The following EVA1C variants were observed in gnomAD, a reference collection of about 807,000 sequenced individuals.
EVA1C encodes eva-1 homolog C.
A neutral mutation model predicts 45.4 loss-of-function variants in EVA1C; 25 were observed. The ratio of observed to expected loss-of-function variants is 0.55; its 90% CI spans 0.40 to 0.77. The LOEUF is 0.77. EVA1C is among the 30% of genes least tolerant of loss of function. EVA1C has a pLI of 0.00. For synonymous variants in EVA1C, 190 were observed against 221.2 expected (o/e 0.86, Z 1.25); for missense variants, 479 against 554.8 (o/e 0.86, Z 1.37).
chr21:32,498,019 T>C (rs2037407328), intron 5 of EVA1C, among the ~76,000 whole-genome samples: 2 of 152,168 alleles, frequency 1.3e-5, no homozygotes, highest in South Asian at 4.1e-4. Flanking sequence ...ACATCACTAA[T>C]GCTGAGATGA....
intron 1 of EVA1C, among the ~76,000 whole-genome samples, chr21:32,426,675 G>A (rs925715147): frequency 4.6e-5 from 7 of 152,134 alleles, no homozygotes; most frequent in African/African-American, 1.2e-4. Flanking sequence ...AGCCCACATC[G>A]AGAAGGAGGA....
intron 4 of EVA1C, among the ~76,000 whole-genome samples, chr21:32,479,391 C>T (rs987910869): frequency 1.3e-5 from 2 of 152,206 alleles, no homozygotes; most frequent in African/African-American, 4.8e-5. Context: ...CCACTGCACT[C>T]CAGCCTGGGC....
intron 2 of EVA1C, among the ~76,000 whole-genome samples, chr21:32,456,459 A>T (rs1281319059): frequency 6.6e-6 from 1 of 152,168 alleles, no homozygotes; most frequent in Non-Finnish European, 1.5e-5. Flanking sequence ...TGGCCATGCC[A>T]CATGCAGTCA....
chr21:32,449,288 A>T (rs2035488464), intron 1 of EVA1C, among the ~76,000 whole-genome samples: 1 of 152,240 alleles, frequency 6.6e-6, no homozygotes, highest in Admixed American at 6.5e-5. Flanking sequence ...GTTTGGACGT[A>T]TGGACAATGA....
In EVA1C at chr21:32,440,700, G is replaced by A. The variant is rs1472938152; in HGVS notation, c.161-12612G>A. ...TCACACAGAGAAATCTATAAGCCCT[G>A]GGTTATGTTGGTTGCTGATGAGGAT... On this transcript the variant is annotated intron_variant, in intron 1 of 7. Transcript: ENST00000300255. Among the ~76,000 whole-genome samples the A allele has an allele frequency of 2.0e-5, 3 of 152,132 alleles. No homozygotes were observed. The East Asian group carries it at 5.8e-4, about 29-fold the overall frequency.
At chr21:32,502,244 G>A (rs1601048656) in intron 6 of EVA1C, among the ~76,000 whole-genome samples, 2 of 151,738 alleles carry the variant, frequency 1.3e-5, no homozygotes, top group African/African-American at 4.8e-5. Context: ...GATTACAGGC[G>A]TCCACCACCA....
chr21:32,445,712 T>C (rs1465950389), intron 1 of EVA1C, among the ~76,000 whole-genome samples: 1 of 152,220 alleles, frequency 6.6e-6, no homozygotes, highest in East Asian at 1.9e-4. Flanking sequence ...TAGGGGTTCA[T>C]GTCGTGAACT....
chr21:32,422,868 C>T (rs978498313), intron 1 of EVA1C, among the ~76,000 whole-genome samples: 4 of 126,930 alleles, frequency 3.2e-5, no homozygotes, highest in African/African-American at 9.2e-5. Flanking sequence ...GTCAGGAGTT[C>T]GGGACCAGCC....
intron 4 of EVA1C, among the ~76,000 whole-genome samples, chr21:32,480,561 G>A (rs1342863140): frequency 2.6e-5 from 4 of 151,978 alleles, no homozygotes; most frequent in East Asian, 1.9e-4. Context: ...CCAGCTACTC[G>A]GGAGGCTAAC....
upstream of EVA1C, chr21:32,412,100 G>C (rs866444627): frequency 6.6e-6 from 1 of 152,292 alleles, no homozygotes. Flanking sequence ...CCATCTGACC[G>C]GTTTTGAGAC....
chr21:32,497,353 C>T, intron 5 of EVA1C: 1 of 455,802 alleles, frequency 2.2e-6, no homozygotes, highest in East Asian at 5.2e-5. Context: ...GCCAAGAAAC[C>T]ATGGGTTTCC....
intron 1 of EVA1C, among the ~76,000 whole-genome samples, chr21:32,433,800 C>T (rs377031060): frequency 4.1e-5 from 6 of 146,204 alleles, no homozygotes; most frequent in East Asian, 2.0e-4. Context: ...GTCATTACAA[C>T]GGTAGTCAAG....
rs111386092 is a variant in EVA1C at position 32,453,553 on chromosome 21, A to G, written c.357+45A>G. ...TGTTAAGATGATACAGTTTCAACAC[A>G]CACTCTTTCTCTCTCTCTGGGTATA... On this transcript the variant is annotated intron_variant, in intron 2 of 7. Coordinates refer to ENST00000300255, the MANE Select transcript of EVA1C (RefSeq NM_058187.5). 43 of 1,329,700 alleles carry G rather than the reference A, an allele frequency of 3.2e-5. 3 individuals carry two copies. The African/African-American group carries it at 3.5e-4, about 11-fold the overall frequency. The allele number at this position is 1,329,700 out of a possible 1,614,324, so 82.4% of individuals were successfully genotyped here.
intron 6 of EVA1C, among the ~76,000 whole-genome samples, chr21:32,503,401 C>G (rs2037621239): frequency 6.6e-6 from 1 of 152,132 alleles, no homozygotes; most frequent in African/African-American, 2.4e-5. Context: ...CAAAAATTTG[C>G]TGGGCATGGT....
intron 4 of EVA1C, among the ~76,000 whole-genome samples, chr21:32,473,735 T>C (rs75300206): frequency 0.14 from 21,743 of 152,200 alleles, 1,763 homozygotes; most frequent in East Asian, 0.25. Context: ...TCTCGCTCTG[T>C]CATCCAGGCT....
At chr21:32,455,319 C>A (rs537685636) in intron 2 of EVA1C, among the ~76,000 whole-genome samples, 2 of 152,084 alleles carry the variant, frequency 1.3e-5, no homozygotes, top group Admixed American at 6.5e-5. Context: ...AAACAAAAAA[C>A]AAACAAACAA....
chr21:32,479,898 A>G (rs1056397407), intron 4 of EVA1C, among the ~76,000 whole-genome samples: 1 of 151,252 alleles, frequency 6.6e-6, no homozygotes, highest in African/African-American at 2.4e-5. Context: ...TCAGGCATAT[A>G]TCCTTAAAAC....
At chr21:32,436,672 C>T (rs1055631948) in intron 1 of EVA1C, among the ~76,000 whole-genome samples, 6 of 152,264 alleles carry the variant, frequency 3.9e-5, no homozygotes, top group African/African-American at 1.2e-4. Flanking sequence ...TCGCAGACTC[C>T]GTTGTGGACA....
intron 1 of EVA1C, among the ~76,000 whole-genome samples, chr21:32,439,281 A>C (rs2035084899): frequency 6.6e-6 from 1 of 151,446 alleles, no homozygotes; most frequent in African/African-American, 2.4e-5. Flanking sequence ...CACCGTCAGC[A>C]AAGGAAGGAT....
Sources: allele counts gnomAD v4.1 joint callset (sites outside exome capture counted in the v4.1 genomes callset), GRCh38; gene constraint gnomAD v4.1.1; transcripts MANE v1.5; gene names NCBI Gene and HGNC (gene_info 2026-07-23, HGNC 2026-07-21).